Variants in GRB2 observed in about 807,000 individuals in gnomAD.
GRB2 encodes the protein growth factor receptor bound protein 2.
GRB2 carries 2 observed loss-of-function variants against 27.4 expected under a neutral mutation model. The observed-to-expected ratio is 0.07, with a 90% CI of 0.03 to 0.23. GRB2 has a LOEUF of 0.23. GRB2 is among the 10% of genes least tolerant of loss of function. The pLI is 1.00. For missense variants in GRB2, 102 were observed against 282.4 expected (o/e 0.36, Z 4.58); for synonymous variants, 94 against 99.6 (o/e 0.94, Z 0.33).
chr17:75,399,318 T>C (rs538738999), intron 1 of GRB2, among the ~76,000 whole-genome samples: 1 of 151,602 alleles, frequency 6.6e-6, no homozygotes, highest in Non-Finnish European at 1.5e-5. Context: ...CCTTTCCAAG[T>C]GCTGGGATTA....
chr17:75,366,716 G>A lies in GRB2; in HGVS notation c.78+26835C>T, dbSNP rs564974719. On this transcript the variant is annotated intron_variant, in intron 2 of 5. Transcript: ENST00000316804. Reference sequence around the variant, plus strand: ...TTTCAGCTACTTGGGAGGCTGACGTGGGAGGATCACCTCTGAGCCCAGGAG... The same window carrying A: ...TTTCAGCTACTTGGGAGGCTGACGTAGGAGGATCACCTCTGAGCCCAGGAG... 2.8e-4 allele frequency among the ~76,000 whole-genome samples: 43 copies of A among 152,124 alleles called. No homozygotes were observed. In the East Asian group the frequency reaches 7.9e-3, roughly 28 times the overall value.
Position 75,321,881 on chromosome 17 carries a change from C to T in GRB2, c.300-54G>A, listed in dbSNP as rs1044226245. 1.0e-5 allele frequency: 16 copies of T among 1,568,666 alleles called. No homozygotes were observed. In the East Asian group the frequency reaches 1.8e-4, roughly 18 times the overall value. Reference sequence around the variant, plus strand: ...GGCTAAAGGCTCTAACTTGGCAAATCGAGGGTATTTCCATATAGGAGCTAT... The same window carrying T: ...GGCTAAAGGCTCTAACTTGGCAAATTGAGGGTATTTCCATATAGGAGCTAT... On this transcript the variant is annotated intron_variant, in intron 4 of 5. Transcript: ENST00000316804.
intron 1 of GRB2, 172 bp from the exon 2 acceptor site, chr17:75,393,937 T>C (rs1286478920): frequency 1.4e-5 from 6 of 414,544 alleles, no homozygotes; most frequent in Non-Finnish European, 2.5e-5. Flanking sequence ...CTTTTCAGCC[T>C]CGGCCCCCAG....
intron 4 of GRB2, among the ~76,000 whole-genome samples, chr17:75,325,257 G>C (rs917998353): frequency 8.0e-6 from 1 of 124,878 alleles, no homozygotes; most frequent in Non-Finnish European, 1.8e-5. Flanking sequence ...ACATTAACTA[G>C]AAAATAACTG....
Position 75,319,345 on chromosome 17 carries a change from G to A in GRB2, c.*1023C>T, listed in dbSNP as rs2078440747. On this transcript the variant is annotated 3_prime_UTR_variant, in exon 6 of 6. Coordinates refer to ENST00000316804, the MANE Select transcript of GRB2 (RefSeq NM_002086.5). Reference sequence around the variant, plus strand: ...AAAAAAAAAAAAACACCACTCAGAAGCAACCCTTGAAATAAGGAAAAAGGC... The same window carrying A: ...AAAAAAAAAAAAACACCACTCAGAAACAACCCTTGAAATAAGGAAAAAGGC... 1.4e-5 allele frequency: 2 copies of A among 146,502 alleles called. No individual in the cohort carries two copies. Among genetic ancestry groups the A allele is most frequent in the African/African-American group, 5.0e-5 (2 of 39,666 alleles). The allele number at this position is 146,502 out of a possible 1,614,324, so 9.1% of individuals were successfully genotyped here. A position where few individuals can be genotyped will look rare whatever the true frequency, so the allele number is the denominator to read the frequency against.
At chr17:75,374,581 G>C (rs563006806) in intron 2 of GRB2, among the ~76,000 whole-genome samples, 1 of 151,474 alleles carries the variant, frequency 6.6e-6, no homozygotes, top group Non-Finnish European at 1.5e-5. Context: ...CACACTAGCC[G>C]AGTGTGGTGG....
rs548222456 is a variant in GRB2 at position 75,342,820 on chromosome 17, G to A, written c.79-10023C>T. On this transcript the variant is annotated intron_variant, in intron 2 of 5. Transcript: ENST00000316804. ...TTTCAGCACTCCAGGAAGCCAAGGC[G>A]GGAGGATGCCTTGAGCCTTGGAGTT... Among the ~76,000 whole-genome samples the A allele has an allele frequency of 7.9e-5, 12 of 152,188 alleles. No individual in the cohort carries two copies. In the South Asian group the frequency reaches 1.9e-3, roughly 24 times the overall value.
chr17:75,378,410 A>T (rs2078908292), intron 2 of GRB2, among the ~76,000 whole-genome samples: 1 of 149,768 alleles, frequency 6.7e-6, no homozygotes, highest in African/African-American at 2.5e-5. Flanking sequence ...AAACACCCAA[A>T]CCCAAAAGCA....
chr17:75,340,703 T>C (rs1397097578), intron 2 of GRB2, among the ~76,000 whole-genome samples: 2 of 152,182 alleles, frequency 1.3e-5, no homozygotes, highest in Non-Finnish European at 2.9e-5. Flanking sequence ...CTGACTCAGT[T>C]TCAAGCTATA....
At chr17:75,358,715 A>C (rs796228955) in intron 2 of GRB2, among the ~76,000 whole-genome samples, 68 of 146,464 alleles carry the variant, frequency 4.6e-4, no homozygotes, top group Non-Finnish European at 4.3e-4. Context: ...AAAAAAAAAA[A>C]AAAAAAAAAA....
intron 2 of GRB2, chr17:75,371,865 T>C (rs1174092969): frequency 6.6e-6 from 1 of 152,056 alleles, no homozygotes; most frequent in Non-Finnish European, 1.5e-5. Context: ...GGCAAAAGCG[T>C]TGACCAATGG....
Position 75,402,205 on chromosome 17 carries a change from AAAC to A in GRB2, c.-138+3281_-138+3283del, listed in dbSNP as rs1319150165. Among the ~76,000 whole-genome samples, 6 of 152,326 alleles carry A rather than the reference AAAC, an allele frequency of 3.9e-5. No individual in the cohort carries two copies. The East Asian group carries it at 1.2e-3, about 29-fold the overall frequency. ...TACTGACTATGGTACTGAGAGTGAAAAACAAAACAGTTATATGGGTACTGGAAG... is the reference window on the plus strand; with the variant it reads ...TACTGACTATGGTACTGAGAGTGAAAAAAACAGTTATATGGGTACTGGAAG... On this transcript the variant is annotated intron_variant, in intron 1 of 5. Transcript: ENST00000316804.
intron 2 of GRB2, among the ~76,000 whole-genome samples, chr17:75,364,911 T>C (rs1284832086): frequency 6.6e-6 from 1 of 151,986 alleles, no homozygotes; most frequent in African/African-American, 2.4e-5. Context: ...TAACTACTTA[T>C]TTACTTAGGT....
At chr17:75,331,383 C>T (rs569724810) in intron 3 of GRB2, among the ~76,000 whole-genome samples, 44 of 152,164 alleles carry the variant, frequency 2.9e-4, no homozygotes, top group Non-Finnish European at 4.9e-4. Flanking sequence ...GAGTGACTGT[C>T]CCAGTCAGCC....
chr17:75,359,884 G>A (rs1598237404), intron 2 of GRB2, among the ~76,000 whole-genome samples: 1 of 151,712 alleles, frequency 6.6e-6, no homozygotes, highest in Non-Finnish European at 1.5e-5. Context: ...ATTAATCTTG[G>A]TATATACTCA....
At chr17:75,358,866 G>C (rs530179351) in intron 2 of GRB2, among the ~76,000 whole-genome samples, 1 of 117,684 alleles carries the variant, frequency 8.5e-6, no homozygotes, top group East Asian at 2.5e-4. Context: ...CATGGCGACA[G>C]GGCAAGACTC....
At chr17:75,335,324 G>C (rs115968756) in intron 2 of GRB2, among the ~76,000 whole-genome samples, 3,159 of 151,966 alleles carry the variant, frequency 0.021, 112 homozygotes, top group African/African-American at 0.072. Flanking sequence ...GGCTAGTACA[G>C]TGGTAATCTA....
intron 3 of GRB2, among the ~76,000 whole-genome samples, chr17:75,330,019 G>A (rs114255620): frequency 1.3e-5 from 2 of 152,102 alleles, no homozygotes; most frequent in African/African-American, 2.4e-5. Flanking sequence ...TGTTGAATAG[G>A]CTGGAGTGCA....
intron 2 of GRB2, among the ~76,000 whole-genome samples, chr17:75,333,098 C>T (rs995373610): frequency 6.6e-6 from 1 of 150,854 alleles, no homozygotes; most frequent in African/African-American, 2.4e-5. Flanking sequence ...TTTTTTAAGA[C>T]GGAGTCTTGC....
Sources: gnomAD v4.1 joint callset for allele counts (sites outside exome capture counted in the v4.1 genomes callset) on GRCh38, gnomAD v4.1.1 for gene constraint, MANE v1.5 for transcripts, NCBI Gene and HGNC (gene_info 2026-07-23, HGNC 2026-07-21) for gene names.